BLMH: variants seen among roughly 807,000 people sequenced by gnomAD.
The protein encoded by BLMH is BLM hydrolase.
Under a neutral mutation model 61.6 loss-of-function variants are expected in BLMH, and 32 were observed. The ratio of observed to expected loss-of-function variants is 0.52; its 90% CI spans 0.39 to 0.70. BLMH has a LOEUF of 0.70. Among genes scored for constraint, BLMH ranks in the 30% least tolerant of loss-of-function variants. BLMH has a pLI of 0.00. For missense variants in BLMH, 460 were observed against 555.5 expected (o/e 0.83, Z 1.73); for synonymous variants, 183 against 193.8 (o/e 0.94, Z 0.46).
At chr17:30,269,632 A>G (rs1187532685) in intron 10 of BLMH, among the ~76,000 whole-genome samples, 3 of 152,198 alleles carry the variant, frequency 2.0e-5, no homozygotes, top group Non-Finnish European at 4.4e-5. Context: ...TACTCCACAC[A>G]TTCTCCTGGG....
intron 10 of BLMH, 22 bp from the exon 11 acceptor site, chr17:30,266,976 T>C (rs937297745): frequency 6.2e-7 from 1 of 1,610,468 alleles, no homozygotes; most frequent in Non-Finnish European, 8.5e-7. Flanking sequence ...TGGATGATGG[T>C]GAGTAGTCTG....
Position 30,248,802 on chromosome 17 carries a change from T to C in BLMH, c.*215A>G. 1 of 558,950 alleles carries C rather than the reference T, an allele frequency of 1.8e-6. No individual in the cohort carries two copies. The highest frequency in any genetic ancestry group is 3.2e-6 in the Non-Finnish European group (1 of 316,706). 34.6% of individuals were successfully genotyped at this position (558,950 alleles called of 1,614,324 possible). ...TGTTAGAGATGAGGAGAGTAGATAGTATGACCTGATCTTCCCCCCTCTTTT... is the reference window on the plus strand; with the variant it reads ...TGTTAGAGATGAGGAGAGTAGATAGCATGACCTGATCTTCCCCCCTCTTTT... On this transcript the variant is annotated 3_prime_UTR_variant, in exon 12 of 12. Transcript: ENST00000261714.
intron 11 of BLMH, among the ~76,000 whole-genome samples, chr17:30,258,275 T>G (rs1351197258): frequency 6.6e-6 from 1 of 151,150 alleles, no homozygotes; most frequent in Non-Finnish European, 1.5e-5. Flanking sequence ...TAATTATGAC[T>G]GCCATTTGAA....
chr17:30,285,310 T>C, intron 6 of BLMH, 78 bp downstream of exon 6: 1 of 999,704 alleles, frequency 1.0e-6, no homozygotes. Context: ...TAAAGCTTCC[T>C]AATCATTACT....
chr17:30,289,562 C>A, intron 2 of BLMH, 80 bp from the exon 3 acceptor site: 1 of 878,380 alleles, frequency 1.1e-6, no homozygotes, highest in African/African-American at 1.7e-5. Flanking sequence ...CACCAATGAA[C>A]TCATGACACG....
chr17:30,255,001 T>A (rs1413877224), intron 11 of BLMH, among the ~76,000 whole-genome samples: 1 of 152,216 alleles, frequency 6.6e-6, no homozygotes, highest in Non-Finnish European at 1.5e-5. Context: ...AAGTACCGAA[T>A]CTACATGATT....
chr17:30,265,762 A>C (rs1908085547), intron 11 of BLMH, among the ~76,000 whole-genome samples: 1 of 152,236 alleles, frequency 6.6e-6, no homozygotes, highest in Non-Finnish European at 1.5e-5. Flanking sequence ...AAATGCCCCC[A>C]GCACACATGA....
At chr17:30,261,339 C>T (rs1439704133) in intron 11 of BLMH, among the ~76,000 whole-genome samples, 3 of 152,180 alleles carry the variant, frequency 2.0e-5, no homozygotes, top group East Asian at 1.9e-4. Flanking sequence ...TCCTGAGTTA[C>T]TCTACTCTGA....
intron 1 of BLMH, 34 bp from the exon 2 acceptor site, chr17:30,291,542 A>T (rs1220459175): frequency 6.2e-7 from 1 of 1,607,594 alleles, no homozygotes; most frequent in Admixed American, 1.7e-5. Context: ...TTAACGCAAA[A>T]AGAGGGGGAA....
At chr17:30,276,111 C>T (rs1247136948) in intron 6 of BLMH, among the ~76,000 whole-genome samples, 5 of 151,930 alleles carry the variant, frequency 3.3e-5, no homozygotes, top group African/African-American at 1.2e-4. Context: ...TGGAAAACCA[C>T]AATCTAAACT....
chr17:30,286,999 C>CT, intron 4 of BLMH, 97 bp from the exon 5 acceptor site: 1 of 767,790 alleles, frequency 1.3e-6, no homozygotes, highest in South Asian at 1.6e-5. Flanking sequence ...ATTTTGCTGG[C>CT]TTACTTCAGA....
rs538915260 is a variant in BLMH, at chr17:30,263,310, T to A, written c.1216+3575A>T. 5.9e-5 allele frequency among the ~76,000 whole-genome samples: 9 copies of A among 152,328 alleles called. 1 individual carries two copies. The South Asian group carries it at 1.9e-3, about 32-fold the overall frequency. On this transcript the variant is annotated intron_variant, in intron 11 of 11. Transcript: ENST00000261714. ...AATTTCTGACTAATAACGAGAGGAA[T>A]CAAAGGTGACTTCCTTGATTTTAAA...
intron 6 of BLMH, among the ~76,000 whole-genome samples, chr17:30,281,075 T>TG: frequency 6.6e-6 from 1 of 151,170 alleles, no homozygotes; most frequent in South Asian, 2.1e-4. Context: ...TGTTTTTTTT[T>TG]TTGTTGTTTC....
intron 4 of BLMH, 72 bp from the exon 5 acceptor site, chr17:30,286,974 C>CA: frequency 1.1e-6 from 1 of 949,128 alleles, no homozygotes; most frequent in Non-Finnish European, 1.6e-6. Context: ...GTGATTGTTT[C>CA]AAAAAATAGG....
Position 30,264,539 on chromosome 17 carries a change from C to T in BLMH, c.1216+2346G>A, listed in dbSNP as rs569089110. On this transcript the variant is annotated intron_variant, in intron 11 of 11. Coordinates refer to ENST00000261714, the MANE Select transcript of BLMH (RefSeq NM_000386.4). The stretch of plus-strand genomic sequence containing the variant: ...AAAATAATAAAGACATTAACTCACA[C>T]TACATAAAACACATTTTCCTGATTT... Among the ~76,000 whole-genome samples the T allele has an allele frequency of 5.3e-5, 8 of 152,294 alleles. No individual in the cohort carries two copies. In the East Asian group the frequency reaches 1.2e-3, roughly 22 times the overall value.
chr17:30,274,509 C>G (rs1469224492), intron 6 of BLMH, among the ~76,000 whole-genome samples: 1 of 152,202 alleles, frequency 6.6e-6, no homozygotes, highest in Non-Finnish European at 1.5e-5. Flanking sequence ...TGATACCCAG[C>G]AAGATCTGAG....
intron 5 of BLMH, among the ~76,000 whole-genome samples, chr17:30,285,996 G>A (rs369151371): frequency 3.9e-5 from 6 of 152,238 alleles, no homozygotes; most frequent in East Asian, 1.9e-4. Flanking sequence ...CAGTGCTAAA[G>A]AGGATGTTGC....
At chr17:30,252,010 AATGTCTAG>A (rs1230826842) in intron 11 of BLMH, 1 of 152,228 alleles carries the variant, frequency 6.6e-6, no homozygotes, top group Non-Finnish European at 1.5e-5. Flanking sequence ...TTTACATTTT[AATGTCTAG>A]ATTTGCAGAA....
At chr17:30,281,843 A>G (rs1908600561) in intron 6 of BLMH, among the ~76,000 whole-genome samples, 1 of 152,214 alleles carries the variant, frequency 6.6e-6, no homozygotes, top group South Asian at 2.1e-4. Flanking sequence ...TGTTAAAAAT[A>G]TATTTTTTAA....
Sources: gnomAD v4.1 joint callset for allele counts (sites outside exome capture counted in the v4.1 genomes callset) on GRCh38, gnomAD v4.1.1 for gene constraint, MANE v1.5 for transcripts, NCBI Gene and HGNC (gene_info 2026-07-23, HGNC 2026-07-21) for gene names.